TRIM9: variants seen among roughly 807,000 people sequenced by gnomAD.
The protein encoded by TRIM9 is E3 ubiquitin-protein ligase TRIM9.
A neutral mutation model predicts 78.3 loss-of-function variants in TRIM9; 26 were observed. The observed-to-expected ratio is 0.33, with a 90% CI of 0.24 to 0.46. The LOEUF (loss-of-function observed/expected upper bound fraction) is 0.46. Ranked by LOEUF, TRIM9 falls within the 20% of genes least tolerant of loss-of-function variation. The pLI, the probability that TRIM9 is intolerant of heterozygous loss-of-function variation, is 1.00. For synonymous variants in TRIM9, 398 were observed against 416.5 expected, an observed-to-expected ratio of 0.96 and a Z score of 0.54; for missense variants, 787 against 1,036.4, an observed-to-expected ratio of 0.76 and a Z score of 3.30.
intron 1 of TRIM9, among the ~76,000 whole-genome samples, chr14:51,025,972 C>G (rs1045875111): frequency 3.3e-5 from 5 of 152,198 alleles, no homozygotes; most frequent in African/African-American, 9.7e-5. Context: ...CCAAGGCTTA[C>G]TCTCTTTCTT....
At chr14:51,029,329 C>T (rs2139846149) in intron 1 of TRIM9, among the ~76,000 whole-genome samples, 1 of 152,262 alleles carries the variant, frequency 6.6e-6, no homozygotes, top group South Asian at 2.1e-4. Flanking sequence ...CAGAAAATGA[C>T]CCAGCTGCCT....
At chr14:50,981,018 C>CTTGGAG (rs1428844303) in intron 11 of TRIM9, among the ~76,000 whole-genome samples, 3 of 150,338 alleles carry the variant, frequency 2.0e-5, no homozygotes, top group Non-Finnish European at 4.4e-5. Flanking sequence ...GAGAATGTAT[C>CTTGGAG]CTGGGGAAAT....
At chr14:51,075,573 C>G (rs982857307) in intron 1 of TRIM9, among the ~76,000 whole-genome samples, 4 of 152,194 alleles carry the variant, frequency 2.6e-5, no homozygotes, top group Non-Finnish European at 4.4e-5. Context: ...CGGAAGCACT[C>G]CTGTGCAGCT....
In TRIM9 at chr14:51,053,509, CTTTTTT is replaced by C. The variant is rs201980160; in HGVS notation, c.823-28155_823-28150del. On this transcript the variant is annotated intron_variant, in intron 1 of 12. Coordinates refer to ENST00000684578, the MANE Select transcript of TRIM9 (RefSeq NM_001387360.1). ...TATAAAACTGATCAGAACAGGTATT[CTTTTTT>C]TTTTTTTTTTTTTTATGCGTTAACA... is the stretch of plus-strand genomic sequence containing the variant. 5.0e-4 allele frequency among the ~76,000 whole-genome samples: 57 copies of C among 113,786 alleles called. 1 individual carries two copies. The highest frequency in any genetic ancestry group is 1.5e-3 in the Admixed American group (17 of 11,210). 74.6% of individuals were successfully genotyped at this position (113,786 alleles called of 152,430 possible). A position where few individuals can be genotyped will look rare whatever the true frequency, so the allele number is the denominator to read the frequency against.
intron 1 of TRIM9, among the ~76,000 whole-genome samples, chr14:51,038,143 CA>C (rs2059309009): frequency 6.6e-6 from 1 of 152,044 alleles, no homozygotes; most frequent in South Asian, 2.1e-4. Context: ...TAGGTGGGCC[CA>C]ATTTAATGAC....
In TRIM9 at chr14:50,986,045, G is replaced by T; in HGVS notation, c.1703C>A (p.Pro568His). 1 of 1,549,894 alleles carries T rather than the reference G, an allele frequency of 6.5e-7. No individual in the cohort carries two copies. Among genetic ancestry groups the T allele is most frequent in the Non-Finnish European group, 8.7e-7 (1 of 1,146,638 alleles). The change falls in exon 8 of 13, where the codon CCC becomes CAC. Residue 568 changes from proline (P) to histidine (H), a missense_variant. Pro to His is a moderately conservative substitution (Grantham distance 77). This residue lies in a region of TRIM9 where 421 missense variants were observed against 514.3 expected (regional missense o/e 0.82). Coordinates refer to ENST00000684578, the MANE Select transcript of TRIM9 (RefSeq NM_001387360.1). The part of the protein sequence containing the change: ...SPFSSTLNLQ[P>H]SFPGRSYFDF... ...AAAGTAGGATCTCCCGGGGAAGCTG[G>T]GTTGTAGATTAAGGGTGGAGGAGAA...
intron 1 of TRIM9, among the ~76,000 whole-genome samples, chr14:51,031,242 T>A (rs2058715724): frequency 6.6e-6 from 1 of 151,894 alleles, no homozygotes; most frequent in South Asian, 2.1e-4. Context: ...TGAGCCCTCT[T>A]CTTACCTAGG....
At chr14:51,064,906 C>T (rs956963809) in intron 1 of TRIM9, among the ~76,000 whole-genome samples, 2 of 151,964 alleles carry the variant, frequency 1.3e-5, no homozygotes, top group African/African-American at 4.8e-5. Flanking sequence ...ATATTGAAAT[C>T]ATTATAAATC....
chr14:51,054,447 AT>A (rs11341604), intron 1 of TRIM9, among the ~76,000 whole-genome samples: 122,456 of 151,634 alleles, frequency 0.81, 49,508 homozygotes, highest in South Asian at 0.86. Context: ...TGTTTTTTGT[AT>A]TTTTTTTGTT....
At chr14:51,039,891 C>T (rs566120535) in intron 1 of TRIM9, among the ~76,000 whole-genome samples, 26 of 152,006 alleles carry the variant, frequency 1.7e-4, no homozygotes, top group Middle Eastern at 6.8e-3. Flanking sequence ...GGACTACAGG[C>T]GCCCGCCACC....
At chr14:51,028,399 T>C (rs1315502288) in intron 1 of TRIM9, among the ~76,000 whole-genome samples, 4 of 152,236 alleles carry the variant, frequency 2.6e-5, no homozygotes, top group African/African-American at 7.2e-5. Flanking sequence ...ATTGTTTTTA[T>C]AGGTTGGTAT....
chr14:51,077,375 T>A (rs113421235), intron 1 of TRIM9, among the ~76,000 whole-genome samples: 2,648 of 146,608 alleles, frequency 0.018, 86 homozygotes, highest in African/African-American at 0.06. Flanking sequence ...CTCAGTCTCA[T>A]CTCCAATTCT....
At chr14:51,046,367 G>C (rs887948548) in intron 1 of TRIM9, among the ~76,000 whole-genome samples, 1 of 152,272 alleles carries the variant, frequency 6.6e-6, no homozygotes, top group Middle Eastern at 3.4e-3. Context: ...TGGGAAATGG[G>C]AATAAAATCA....
At chr14:51,063,788 A>G (rs868806039) in intron 1 of TRIM9, among the ~76,000 whole-genome samples, 2 of 152,178 alleles carry the variant, frequency 1.3e-5, no homozygotes, top group Non-Finnish European at 2.9e-5. Context: ...GATAAATAGA[A>G]GCTAAGACAA....
chr14:51,032,710 C>T (rs1249930590), intron 1 of TRIM9, among the ~76,000 whole-genome samples: 2 of 152,230 alleles, frequency 1.3e-5, no homozygotes, highest in Non-Finnish European at 2.9e-5. Flanking sequence ...TACTAAGCTT[C>T]AGTTTCCTCA....
chr14:51,000,944 A>C, intron 5 of TRIM9, 104 bp from the exon 6 acceptor site: 1 of 1,361,798 alleles, frequency 7.3e-7, no homozygotes, highest in African/African-American at 1.4e-5. Flanking sequence ...AGAAGTAGCC[A>C]GAATGGGGTG....
chr14:51,057,174 G>A (rs529147985), intron 1 of TRIM9, among the ~76,000 whole-genome samples: 1 of 152,138 alleles, frequency 6.6e-6, no homozygotes, highest in Non-Finnish European at 1.5e-5. Context: ...CAATTCTTTG[G>A]TAGACATTGC....
chr14:51,040,379 TTTC>T (rs2059487874), intron 1 of TRIM9, among the ~76,000 whole-genome samples: 3 of 152,162 alleles, frequency 2.0e-5, no homozygotes, highest in Admixed American at 2.0e-4. Flanking sequence ...GTTGTCACCT[TTTC>T]TTCTGTTGCC....
intron 1 of TRIM9, among the ~76,000 whole-genome samples, chr14:51,036,755 CCTCT>C (rs1038784457): frequency 2.6e-5 from 4 of 151,888 alleles, no homozygotes; most frequent in Non-Finnish European, 5.9e-5. Context: ...GACTGTATAT[CCTCT>C]CTCTCACTCT....
Sources: gnomAD v4.1 joint callset for allele counts (sites outside exome capture counted in the v4.1 genomes callset) on GRCh38, gnomAD v4.1.1 for gene constraint, gnomAD v4.1.1 regional missense constraint, MANE v1.5 for transcripts, NCBI Gene and HGNC (gene_info 2026-07-23, HGNC 2026-07-21) for gene names.